Variants in SUGCT observed in about 807,000 individuals in gnomAD.
SUGCT encodes the protein succinyl-CoA:glutarate-CoA transferase.
A neutral mutation model predicts 55.0 loss-of-function variants in SUGCT; 41 were observed. The ratio of observed to expected loss-of-function variants is 0.74; its 90% CI spans 0.58 to 0.97. The LOEUF (loss-of-function observed/expected upper bound fraction) is 0.97, where lower values mean the gene tolerates loss of function less well. Among genes scored for constraint, SUGCT ranks in the 50% least tolerant of loss-of-function variants. The pLI, the probability that SUGCT is intolerant of heterozygous loss-of-function variation, is 0.00. For synonymous variants in SUGCT, 187 were observed against 200.4 expected (o/e 0.93, Z 0.56); for missense variants, 568 against 547.8 (o/e 1.04, Z -0.37).
At chr7:40,759,087 C>G (rs568918465) in intron 13 of SUGCT, among the ~76,000 whole-genome samples, 1 of 152,256 alleles carries the variant, frequency 6.6e-6, no homozygotes, top group South Asian at 2.1e-4. Context: ...GCCACAAAAA[C>G]TAAAGAAGCA....
intron 10 of SUGCT, among the ~76,000 whole-genome samples, chr7:40,455,960 C>T (rs537137195): frequency 6.6e-6 from 1 of 152,284 alleles, no homozygotes; most frequent in South Asian, 2.1e-4. Flanking sequence ...TAATTTTCTC[C>T]TGACAAACAG....
intron 9 of SUGCT, among the ~76,000 whole-genome samples, chr7:40,407,562 CA>C (rs1238492087): frequency 6.6e-6 from 1 of 150,912 alleles, no homozygotes; most frequent in African/African-American, 2.4e-5. Context: ...AAGATCATGC[CA>C]AAAAAAAGAG....
intron 13 of SUGCT, among the ~76,000 whole-genome samples, chr7:40,792,439 A>G (rs1316670114): frequency 6.6e-6 from 1 of 152,158 alleles, no homozygotes; most frequent in African/African-American, 2.4e-5. Flanking sequence ...GTTAAAAACC[A>G]TTCCTTTGAT....
intron 9 of SUGCT, among the ~76,000 whole-genome samples, chr7:40,350,048 T>G (rs1797532939): frequency 6.6e-6 from 1 of 152,138 alleles, no homozygotes; most frequent in South Asian, 2.1e-4. Flanking sequence ...GGACCTCTGG[T>G]GATTTCATTT....
intron 13 of SUGCT, among the ~76,000 whole-genome samples, chr7:40,770,655 G>T (rs1304955719): frequency 6.6e-6 from 1 of 152,194 alleles, no homozygotes; most frequent in Non-Finnish European, 1.5e-5. Flanking sequence ...GTGATGAAGA[G>T]TGGCATCTTC....
the SUGCT span, among the ~76,000 whole-genome samples, chr7:40,909,328 C>T: frequency 1.7e-3 from 253 of 152,262 alleles, 3 homozygotes; most frequent in Admixed American, 0.013. Flanking sequence ...TTTCTGAGTG[C>T]GACTGGTCCA....
At chr7:40,175,828 C>T (rs1784897535) in intron 1 of SUGCT, among the ~76,000 whole-genome samples, 1 of 152,090 alleles carries the variant, frequency 6.6e-6, no homozygotes, top group South Asian at 2.1e-4. Context: ...TGTTCAACCT[C>T]AGCTGGGAAC....
chr7:40,432,393 C>CA (rs1787936962), intron 9 of SUGCT, among the ~76,000 whole-genome samples: 1 of 152,028 alleles, frequency 6.6e-6, no homozygotes, highest in African/African-American at 2.4e-5. Context: ...TTGCTGCTTT[C>CA]AAAATTCTCC....
intron 12 of SUGCT, among the ~76,000 whole-genome samples, chr7:40,515,487 C>G (rs1052917424): frequency 3.3e-5 from 5 of 152,182 alleles, no homozygotes; most frequent in South Asian, 2.1e-4. Flanking sequence ...CTTCCCTCCC[C>G]TTATCGCTGG....
At chr7:41,032,335 G>GTT in the SUGCT span, among the ~76,000 whole-genome samples, 7 of 143,728 alleles carry the variant, frequency 4.9e-5, no homozygotes, top group African/African-American at 1.0e-4. Context: ...CATTTCTCAT[G>GTT]TTTTTTTTTT....
At chr7:40,934,107 C>T in the SUGCT span, among the ~76,000 whole-genome samples, 1 of 152,174 alleles carries the variant, frequency 6.6e-6, no homozygotes, top group Non-Finnish European at 1.5e-5. Flanking sequence ...TGGTGACCTA[C>T]AGATGGGGTT....
intron 13 of SUGCT, among the ~76,000 whole-genome samples, chr7:40,754,297 G>C (rs894874306): frequency 6.6e-6 from 1 of 152,162 alleles, no homozygotes; most frequent in East Asian, 1.9e-4. Context: ...GTTCTAAGAG[G>C]CCTCAGTGAG....
chr7:40,177,362 A>G (rs1410729865), intron 1 of SUGCT, among the ~76,000 whole-genome samples: 3 of 137,726 alleles, frequency 2.2e-5, no homozygotes, highest in Admixed American at 7.4e-5. Context: ...TCTATCCATA[A>G]GTTCTCTCCC....
chr7:40,333,325 T>C (rs1197194232), intron 9 of SUGCT, among the ~76,000 whole-genome samples: 5 of 151,880 alleles, frequency 3.3e-5, no homozygotes, highest in Non-Finnish European at 5.9e-5. Context: ...AAACACATGG[T>C]CAGTATGTAA....
chr7:40,365,523 C>CAG (rs1783902162), intron 9 of SUGCT, among the ~76,000 whole-genome samples: 1 of 152,168 alleles, frequency 6.6e-6, no homozygotes, highest in African/African-American at 2.4e-5. Flanking sequence ...CCCTTTGTCT[C>CAG]AGCCTAAAAT....
chr7:41,023,481 T>TA, the SUGCT span, among the ~76,000 whole-genome samples: 2 of 151,168 alleles, frequency 1.3e-5, no homozygotes, highest in Non-Finnish European at 3.0e-5. Context: ...AAAGAAAAAA[T>TA]AAAAATATAT....
chr7:40,478,501 C>T (rs887613227), intron 11 of SUGCT, among the ~76,000 whole-genome samples: 4 of 151,986 alleles, frequency 2.6e-5, no homozygotes, highest in Non-Finnish European at 4.4e-5. Flanking sequence ...AATCCTGGCT[C>T]GCCTATTTAA....
chr7:40,777,501 A>G (rs1048468519), intron 13 of SUGCT, among the ~76,000 whole-genome samples: 14 of 151,498 alleles, frequency 9.2e-5, no homozygotes, highest in African/African-American at 3.2e-4. Context: ...TTTTAATCTG[A>G]ATGTTGTTAG....
chr7:40,975,486 A>G, the SUGCT span, among the ~76,000 whole-genome samples: 1 of 152,186 alleles, frequency 6.6e-6, no homozygotes, highest in African/African-American at 2.4e-5. Context: ...AGCTTAAACC[A>G]ATAGTTGTAT....
Sources: allele counts gnomAD v4.1 joint callset (sites outside exome capture counted in the v4.1 genomes callset), GRCh38; gene constraint gnomAD v4.1.1; transcripts MANE v1.5; gene names NCBI Gene and HGNC (gene_info 2026-07-23, HGNC 2026-07-21).